The following PRPS2 variants were observed in gnomAD, a reference collection of about 807,000 sequenced individuals.
PRPS2 encodes the protein phosphoribosyl pyrophosphate synthetase 2.
For missense variants in PRPS2, 104 were observed against 271.5 expected, an observed-to-expected ratio of 0.38 and a Z score of 4.34; for synonymous variants, 111 against 115.3, an observed-to-expected ratio of 0.96 and a Z score of 0.24.
intron 2 of PRPS2, among the ~76,000 whole-genome samples, chrX:12,804,492 C>G (rs1345171416): frequency 9.0e-6 from 1 of 111,432 alleles, no homozygotes; most frequent in East Asian, 2.8e-4. Context: ...ACTATTCCTT[C>G]CTTACCTTGG....
At chrX:12,804,744 G>A in intron 2 of PRPS2, among the ~76,000 whole-genome samples, 1 of 111,627 alleles carries the variant, frequency 9.0e-6, no homozygotes, top group South Asian at 3.8e-4. Flanking sequence ...AAGGTATAAA[G>A]CCATGTGGCG....
In PRPS2 at chrX:12,819,228, T is replaced by C. The variant is rs143266930; in HGVS notation, c.531-279T>C. Among the ~76,000 whole-genome samples the C allele has an allele frequency of 3.6e-4, 41 of 112,857 alleles. 1 individual carries two copies. The East Asian group carries it at 7.8e-3, about 21-fold the overall frequency. On this transcript the variant is annotated intron_variant, in intron 4 of 6. Transcript: ENST00000380668. ...GTTTTAAAATGCTACCCACAAATAC[T>C]AACAAACTGAATATCAAATTCTTAC...
At chrX:12,808,288 C>CTGTG (rs60881280) in intron 2 of PRPS2, among the ~76,000 whole-genome samples, 8,637 of 102,130 alleles carry the variant, frequency 0.085, 821 homozygotes, top group African/African-American at 0.26. Context: ...CATGAATATA[C>CTGTG]TGTGTGTGTG....
At position 12,814,266 on chromosome X, in the gene PRPS2, T is replaced by C. The variant is rs753781581; in HGVS notation, c.530+4120T>C. Among the ~76,000 whole-genome samples the C allele has an allele frequency of 3.6e-5, 4 of 111,798 alleles. No homozygotes were observed. The South Asian group carries it at 1.5e-3, about 42-fold the overall frequency. On this transcript the variant is annotated intron_variant, in intron 4 of 6. Coordinates refer to ENST00000380668, the MANE Select transcript of PRPS2 (RefSeq NM_002765.5). ...GGGTTGAGATGCTGTTTTGTTTTGT[T>C]GAGACCTCCTTTCAAGCAGTCTGCA... is the stretch of plus-strand genomic sequence containing the variant.
chrX:12,807,410 G>A (rs984503108), intron 2 of PRPS2, among the ~76,000 whole-genome samples: 3 of 112,376 alleles, frequency 2.7e-5, no homozygotes, highest in Non-Finnish European at 5.6e-5. Context: ...TAACTGATTC[G>A]ACAATTGTAG....
intron 4 of PRPS2, among the ~76,000 whole-genome samples, chrX:12,815,739 G>A (rs2042644372): frequency 1.8e-5 from 2 of 111,458 alleles, no homozygotes; most frequent in African/African-American, 6.5e-5. Context: ...CACCTCCCGG[G>A]ATCAAGCGAT....
intron 1 of PRPS2, among the ~76,000 whole-genome samples, chrX:12,797,996 T>C (rs1163221789): frequency 2.7e-5 from 3 of 112,299 alleles, no homozygotes. Context: ...AATCCCCGGA[T>C]GGCAGCTGTG....
intron 4 of PRPS2, among the ~76,000 whole-genome samples, chrX:12,816,096 A>G (rs1302947276): frequency 8.9e-6 from 1 of 111,978 alleles, no homozygotes; most frequent in African/African-American, 3.2e-5. Context: ...TTTTGGTTGC[A>G]TCCTGAAGAA....
At chrX:12,796,507 G>A (rs1051656122) in intron 1 of PRPS2, among the ~76,000 whole-genome samples, 3 of 111,590 alleles carry the variant, frequency 2.7e-5, no homozygotes, top group Non-Finnish European at 5.6e-5. Context: ...GTGAGCCACC[G>A]CGCCCAGCCT....
chrX:12,793,253 A>G (rs776642100), intron 1 of PRPS2, among the ~76,000 whole-genome samples: 16 of 112,645 alleles, frequency 1.4e-4, no homozygotes, highest in Non-Finnish European at 2.3e-4. Context: ...CCTTCCAGGT[A>G]CTCAGTGCAG....
chrX:12,820,932 A>C (rs1014393481), intron 6 of PRPS2, 129 bp downstream of exon 6: 44 of 701,205 alleles, frequency 6.3e-5, no homozygotes, highest in African/African-American at 1.1e-4. Context: ...GCAGCTTCTC[A>C]TGACGGCAGG....
At chrX:12,796,653 C>A (rs2042545284) in intron 1 of PRPS2, among the ~76,000 whole-genome samples, 1 of 111,062 alleles carries the variant, frequency 9.0e-6, no homozygotes, top group African/African-American at 3.3e-5. Context: ...GACAATTCTG[C>A]CATAATGTGA....
intron 2 of PRPS2, among the ~76,000 whole-genome samples, chrX:12,801,949 A>G (rs754421521): frequency 1.7e-4 from 19 of 111,830 alleles, no homozygotes; most frequent in Non-Finnish European, 3.6e-4. Flanking sequence ...CTCACAATAG[A>G]TTTTATATTT....
chrX:12,798,240 G>A (rs780263665), intron 1 of PRPS2, among the ~76,000 whole-genome samples: 7 of 112,714 alleles, frequency 6.2e-5, no homozygotes, highest in Non-Finnish European at 9.4e-5. Flanking sequence ...ACAAGCATTC[G>A]TTTAAGTTAA....
intron 2 of PRPS2, among the ~76,000 whole-genome samples, chrX:12,802,539 G>T (rs529610361): frequency 1.8e-5 from 2 of 110,724 alleles, no homozygotes; most frequent in South Asian, 7.6e-4. Flanking sequence ...GGGTTTCACC[G>T]TGTGGGCCAG....
In PRPS2 at chrX:12,819,496, G is replaced by A. The variant is rs1479877185; in HGVS notation, c.531-11G>A. Reference sequence around the variant, plus strand: ...TGACTGTATGAACATGTTCATTTGTGCCTTTGCCAGGGTTACATCAATTGC... The same window carrying A: ...TGACTGTATGAACATGTTCATTTGTACCTTTGCCAGGGTTACATCAATTGC... On this transcript the variant is annotated splice_polypyrimidine_tract_variant and intron_variant, in intron 4 of 6. Coordinates refer to ENST00000380668, the MANE Select transcript of PRPS2 (RefSeq NM_002765.5). 8.3e-7 allele frequency: 1 copy of A among 1,202,324 alleles called. No homozygotes were observed. Among genetic ancestry groups the A allele is most frequent in the African/African-American group, 1.7e-5 (1 of 57,193 alleles).
chrX:12,795,032 G>A (rs1013817500), intron 1 of PRPS2, among the ~76,000 whole-genome samples: 1 of 111,343 alleles, frequency 9.0e-6, no homozygotes, highest in African/African-American at 3.3e-5. Flanking sequence ...ATCTGTTCCC[G>A]TGCCTTTTCC....
In PRPS2 at chrX:12,822,294, A is replaced by G. The variant is rs556842957; in HGVS notation, c.865-410A>G. Reference sequence around the variant, plus strand: ...ATATGTTAACTATTTGGTCCTCTATAGTTTGCTGACCCCTGAGTTAGATGA... The same window carrying G: ...ATATGTTAACTATTTGGTCCTCTATGGTTTGCTGACCCCTGAGTTAGATGA... On this transcript the variant is annotated intron_variant, in intron 6 of 6. Coordinates refer to ENST00000380668, the MANE Select transcript of PRPS2 (RefSeq NM_002765.5). Among the ~76,000 whole-genome samples the G allele has an allele frequency of 8.2e-4, 92 of 112,412 alleles. No homozygotes were observed. In the Middle Eastern group the frequency reaches 0.014, roughly 17 times the overall value.
chrX:12,823,777 G>A lies in PRPS2; in HGVS notation c.*981G>A, dbSNP rs1328587783. 1 of 111,998 alleles carries A rather than the reference G, an allele frequency of 8.9e-6. No homozygotes were observed. The highest frequency in any genetic ancestry group is 2.8e-4 in the East Asian group (1 of 3,596). 9.2% of individuals were successfully genotyped at this position (111,998 alleles called of 1,213,427 possible). Reference sequence around the variant, plus strand: ...TCAGAATACATTTATGAACCAATGCGACTGGACTTAGCCACACACAATGGA... The same window carrying A: ...TCAGAATACATTTATGAACCAATGCAACTGGACTTAGCCACACACAATGGA... On this transcript the variant is annotated 3_prime_UTR_variant, in exon 7 of 7. Coordinates refer to ENST00000380668, the MANE Select transcript of PRPS2 (RefSeq NM_002765.5).
Sources: allele counts gnomAD v4.1 joint callset (sites outside exome capture counted in the v4.1 genomes callset), GRCh38; gene constraint gnomAD v4.1.1; transcripts MANE v1.5; gene names NCBI Gene and HGNC (gene_info 2026-07-23, HGNC 2026-07-21).